The following CACNB2 variants were observed in gnomAD, a reference collection of about 807,000 sequenced individuals.
CACNB2 encodes calcium voltage-gated channel auxiliary subunit beta 2, also known as voltage-dependent L-type calcium channel subunit beta-2.
Under a neutral mutation model 73.3 loss-of-function variants are expected in CACNB2, and 42 were observed. That is an observed-to-expected ratio of 0.57 (90% CI 0.45 to 0.74). The LOEUF (loss-of-function observed/expected upper bound fraction) is 0.74. Ranked by LOEUF, CACNB2 falls within the 30% of genes least tolerant of loss-of-function variation. CACNB2 has a pLI of 0.00. For synonymous variants in CACNB2, 348 were observed against 310.3 expected (o/e 1.12, Z -1.28); for missense variants, 940 against 853.0 (o/e 1.10, Z -1.27).
chr10:18,384,720 A>C (rs1420875819), intron 2 of CACNB2, among the ~76,000 whole-genome samples: 2 of 151,410 alleles, frequency 1.3e-5, no homozygotes, highest in Non-Finnish European at 2.9e-5. Flanking sequence ...ACAGAGTGAG[A>C]CCCTGTCTCA....
intron 2 of CACNB2, among the ~76,000 whole-genome samples, chr10:18,305,299 T>C (rs1414284899): frequency 2.0e-5 from 3 of 152,224 alleles, no homozygotes; most frequent in African/African-American, 4.8e-5. Context: ...GCAGCTTTTA[T>C]TGGTTAAGTT....
chr10:18,364,240 C>T lies in CACNB2; in HGVS notation c.214-37684C>T, dbSNP rs544001061. On this transcript the variant is annotated intron_variant, in intron 2 of 13. Coordinates refer to ENST00000324631, the MANE Select transcript of CACNB2 (RefSeq NM_201596.3). ...AAGTGCTGGGATTACAGGCATGAGC[C>T]GCGGTGCCTGCCTTCTACATGCGTT... Among the ~76,000 whole-genome samples, 262 of 135,520 alleles carry T rather than the reference C, an allele frequency of 1.9e-3. 1 individual carries two copies. The highest frequency in any genetic ancestry group is 6.5e-3 in the African/African-American group (241 of 36,838). The allele number at this position is 135,520 out of a possible 152,430, so 88.9% of individuals were successfully genotyped here. A position where few individuals can be genotyped will look rare whatever the true frequency, so the allele number is the denominator to read the frequency against.
intron 3 of CACNB2, among the ~76,000 whole-genome samples, chr10:18,476,827 A>G (rs1379779480): frequency 6.6e-6 from 1 of 152,166 alleles, no homozygotes; most frequent in Non-Finnish European, 1.5e-5. Context: ...AGTCTGGCCA[A>G]CATGGTGAAA....
At chr10:18,345,349 A>T (rs2041405421) in intron 2 of CACNB2, among the ~76,000 whole-genome samples, 1 of 152,192 alleles carries the variant, frequency 6.6e-6, no homozygotes, top group Admixed American at 6.5e-5. Context: ...ATTGCTTTTC[A>T]TGTAAATAGT....
rs1326898096 is a variant in CACNB2, at chr10:18,341,047, G to A, written c.214-60877G>A. On this transcript the variant is annotated intron_variant, in intron 2 of 13. Coordinates refer to ENST00000324631, the MANE Select transcript of CACNB2 (RefSeq NM_201596.3). ...AAAGAAAACAGGAATGCATAGAACTGTTGCCGAGCTTGAGCTAAAATCATA... is the reference window on the plus strand; with the variant it reads ...AAAGAAAACAGGAATGCATAGAACTATTGCCGAGCTTGAGCTAAAATCATA... 8 of 1,504,064 alleles carry A rather than the reference G, an allele frequency of 5.3e-6. No individual in the cohort carries two copies. In the East Asian group the frequency reaches 1.8e-4, roughly 34 times the overall value. 93.2% of individuals were successfully genotyped at this position (1,504,064 alleles called of 1,614,324 possible).
intron 2 of CACNB2, among the ~76,000 whole-genome samples, chr10:18,294,150 G>A (rs747178545): frequency 8.5e-5 from 13 of 152,290 alleles, no homozygotes; most frequent in Non-Finnish European, 1.2e-4. Context: ...CCTCGGGCAC[G>A]TTTCCGAGAC....
chr10:18,538,418 T>C, intron 13 of CACNB2, 53 bp downstream of exon 13: 3 of 1,546,124 alleles, frequency 1.9e-6, no homozygotes, highest in Non-Finnish European at 2.7e-6. Flanking sequence ...AGAAAAAAGG[T>C]TGCCTATGGT....
chr10:18,507,857 A>T (rs976160026), intron 6 of CACNB2, among the ~76,000 whole-genome samples: 10 of 152,210 alleles, frequency 6.6e-5, no homozygotes, highest in African/African-American at 2.4e-4. Context: ...TAAGGACAGG[A>T]TTTCTCTATT....
chr10:18,518,512 T>G (rs565914633), intron 8 of CACNB2, 96 bp downstream of exon 8: 1 of 894,776 alleles, frequency 1.1e-6, no homozygotes, highest in South Asian at 1.3e-5. Flanking sequence ...ATTTTACAGC[T>G]TAAGGAGCCA....
At chr10:18,420,312 CAT>C (rs2045250017) in intron 3 of CACNB2, among the ~76,000 whole-genome samples, 2 of 121,890 alleles carry the variant, frequency 1.6e-5, no homozygotes, top group Admixed American at 8.2e-5. Context: ...GATAAACACA[CAT>C]ACACACACAC....
intron 2 of CACNB2, among the ~76,000 whole-genome samples, chr10:18,268,649 G>A (rs1177852170): frequency 2.0e-5 from 3 of 152,160 alleles, no homozygotes; most frequent in African/African-American, 7.2e-5. Flanking sequence ...AGATTATAGA[G>A]GAACAGGCAG....
At chr10:18,414,483 CTTTTTTTTTTT>C (rs11384501) in intron 3 of CACNB2, among the ~76,000 whole-genome samples, 34,449 of 132,344 alleles carry the variant, frequency 0.26, 4,373 homozygotes, top group East Asian at 0.53. Flanking sequence ...TTACTACTAC[CTTTTTTTTTTT>C]TTTTTTTTTT....
At chr10:18,492,762 G>A (rs1564613926) in intron 3 of CACNB2, among the ~76,000 whole-genome samples, 4 of 152,166 alleles carry the variant, frequency 2.6e-5, no homozygotes, top group Admixed American at 2.0e-4. Flanking sequence ...CAGCGAGTTA[G>A]TTTGTGTCGT....
intron 2 of CACNB2, among the ~76,000 whole-genome samples, chr10:18,370,212 C>A (rs1170044121): frequency 2.6e-5 from 4 of 152,232 alleles, no homozygotes; most frequent in African/African-American, 9.6e-5. Context: ...AGACTCCTTT[C>A]TGTACAAAAT....
intron 3 of CACNB2, among the ~76,000 whole-genome samples, chr10:18,470,645 A>T (rs12767311): frequency 0.12 from 18,609 of 152,002 alleles, 1,284 homozygotes; most frequent in Admixed American, 0.18. Flanking sequence ...TCACCCCTAA[A>T]TTATACATGC....
intron 1 of CACNB2, among the ~76,000 whole-genome samples, chr10:18,143,764 G>A (rs1048415481): frequency 6.6e-6 from 1 of 152,152 alleles, no homozygotes; most frequent in African/African-American, 2.4e-5. Flanking sequence ...ATGTGGCACC[G>A]AGTAATTCTA....
At chr10:18,317,864 A>G (rs1589028249) in intron 2 of CACNB2, among the ~76,000 whole-genome samples, 1 of 152,216 alleles carries the variant, frequency 6.6e-6, no homozygotes, top group Non-Finnish European at 1.5e-5. Context: ...AATAAAGAAC[A>G]TGAGGTCTTT....
intron 6 of CACNB2, among the ~76,000 whole-genome samples, chr10:18,507,913 C>A (rs2133082952): frequency 6.6e-6 from 1 of 152,116 alleles, no homozygotes; most frequent in South Asian, 2.1e-4. Context: ...CTTTAGAGAC[C>A]AATCAAGGAC....
chr10:18,212,750 T>G (rs925716839), intron 2 of CACNB2, among the ~76,000 whole-genome samples: 2 of 152,180 alleles, frequency 1.3e-5, no homozygotes, highest in African/African-American at 4.8e-5. Flanking sequence ...GGAACAGCTA[T>G]TTGTTAAGTT....
Sources: gnomAD v4.1 joint callset for allele counts (sites outside exome capture counted in the v4.1 genomes callset) on GRCh38, gnomAD v4.1.1 for gene constraint, MANE v1.5 for transcripts, NCBI Gene and HGNC (gene_info 2026-07-23, HGNC 2026-07-21) for gene names.